Variants in GUCY1B1 observed in about 807,000 individuals in gnomAD.
GUCY1B1 encodes the protein guanylate cyclase soluble subunit beta-1.
A neutral mutation model predicts 71.0 loss-of-function variants in GUCY1B1; 43 were observed. The observed-to-expected ratio is 0.61, with a 90% CI of 0.47 to 0.78. GUCY1B1 has a LOEUF of 0.78. Ranked by LOEUF, GUCY1B1 falls within the 30% of genes least tolerant of loss-of-function variation. GUCY1B1 has a pLI of 0.00. For missense variants in GUCY1B1, 535 were observed against 754.1 expected, an observed-to-expected ratio of 0.71 and a Z score of 3.40; for synonymous variants, 266 against 259.7, an observed-to-expected ratio of 1.02 and a Z score of -0.23.
At position 155,774,953 on chromosome 4, in the gene GUCY1B1, GT is replaced by G. The variant is rs1737943192; in HGVS notation, c.78-10del. 3.7e-6 allele frequency: 5 copies of G among 1,352,458 alleles called. No individual in the cohort carries two copies. The highest frequency in any genetic ancestry group is 5.3e-6 in the Non-Finnish European group (5 of 945,106). 83.8% of individuals were successfully genotyped at this position (1,352,458 alleles called of 1,614,324 possible). On this transcript the variant is annotated splice_polypyrimidine_tract_variant and intron_variant, in intron 2 of 13. Transcript: ENST00000264424. Reference sequence around the variant, plus strand: ...TCAACTTTTCTCTTCTGTCTTTCTTGTTTTTGTTTTCCAGAAAAGAGGCACA... The same window carrying G: ...TCAACTTTTCTCTTCTGTCTTTCTTGTTTTGTTTTCCAGAAAAGAGGCACA...
intron 2 of GUCY1B1, among the ~76,000 whole-genome samples, chr4:155,771,564 G>C (rs1737695311): frequency 6.6e-6 from 1 of 152,078 alleles, no homozygotes; most frequent in South Asian, 2.1e-4. Context: ...TCTACTTATT[G>C]TATCTTTAAT....
At chr4:155,781,385 A>G (rs1738405355) in intron 4 of GUCY1B1, among the ~76,000 whole-genome samples, 1 of 152,172 alleles carries the variant, frequency 6.6e-6, no homozygotes, top group Non-Finnish European at 1.5e-5. Flanking sequence ...CAGTTGACTT[A>G]ACGAATACTA....
intron 8 of GUCY1B1, among the ~76,000 whole-genome samples, chr4:155,797,715 C>CA (rs1171274853): frequency 7.4e-6 from 1 of 135,750 alleles, no homozygotes; most frequent in Non-Finnish European, 1.6e-5. Context: ...TCCTGGGCAA[C>CA]AGAGCAAGAC....
intron 8 of GUCY1B1, among the ~76,000 whole-genome samples, chr4:155,799,293 T>C (rs558582992): frequency 6.6e-6 from 1 of 151,886 alleles, no homozygotes; most frequent in Non-Finnish European, 1.5e-5. Context: ...ATGAGAAAAA[T>C]TTGTCAAAGT....
intron 4 of GUCY1B1, chr4:155,785,459 A>T: frequency 1.9e-6 from 1 of 536,018 alleles, no homozygotes; most frequent in Non-Finnish European, 3.2e-6. Flanking sequence ...AACACAGAAT[A>T]TCAGTTTTGA....
chr4:155,783,390 G>C (rs753621854), intron 4 of GUCY1B1, among the ~76,000 whole-genome samples: 4 of 152,182 alleles, frequency 2.6e-5, no homozygotes, highest in African/African-American at 9.7e-5. Context: ...GAAAATATAC[G>C]TGGGCAAATG....
chr4:155,796,544 A>G, intron 8 of GUCY1B1, 34 bp downstream of exon 8: 1 of 1,454,802 alleles, frequency 6.9e-7, no homozygotes, highest in Non-Finnish European at 9.5e-7. Flanking sequence ...AGTGGCTATC[A>G]GTACCTATCT....
chr4:155,775,141 A>G (rs536419145), intron 3 of GUCY1B1, 73 bp downstream of exon 3: 123 of 820,054 alleles, frequency 1.5e-4, no homozygotes, highest in East Asian at 1.7e-4. Flanking sequence ...GTTCAAGATC[A>G]CAACGCAGGG....
intron 8 of GUCY1B1, among the ~76,000 whole-genome samples, chr4:155,797,266 A>C (rs1185685052): frequency 6.6e-6 from 1 of 152,216 alleles, no homozygotes; most frequent in African/African-American, 2.4e-5. Flanking sequence ...AACACAGTCA[A>C]GAAGGCATGT....
Position 155,803,613 on chromosome 4 carries a change from T to G in GUCY1B1, c.1414-11T>G. 1.3e-6 allele frequency: 2 copies of G among 1,508,802 alleles called. No homozygotes were observed. The highest frequency in any genetic ancestry group is 1.8e-6 in the Non-Finnish European group (2 of 1,125,800). The allele number at this position is 1,508,802 out of a possible 1,614,324, so 93.5% of individuals were successfully genotyped here. ...TGCTAACCGTGAACATCTAAATATA[T>G]GTACTGTTAGGTGGAGACTGTTGGT... On this transcript the variant is annotated splice_polypyrimidine_tract_variant and intron_variant, in intron 10 of 13. Transcript: ENST00000264424.
chr4:155,801,255 G>T (rs1328170106), intron 9 of GUCY1B1, among the ~76,000 whole-genome samples: 1 of 152,130 alleles, frequency 6.6e-6, no homozygotes, highest in East Asian at 1.9e-4. Flanking sequence ...CCCAAGGTGG[G>T]TTTCACATTC....
intron 8 of GUCY1B1, among the ~76,000 whole-genome samples, chr4:155,798,184 G>A (rs1002490734): frequency 1.3e-5 from 2 of 152,198 alleles, no homozygotes; most frequent in Non-Finnish European, 2.9e-5. Flanking sequence ...AGGTGTGTAG[G>A]AAGATTTGTA....
intron 2 of GUCY1B1, among the ~76,000 whole-genome samples, chr4:155,766,839 A>G (rs1044652085): frequency 5.3e-5 from 8 of 152,326 alleles, no homozygotes; most frequent in Middle Eastern, 3.4e-3. Flanking sequence ...GAATACTGAA[A>G]TTAAATTTGA....
intron 8 of GUCY1B1, among the ~76,000 whole-genome samples, chr4:155,798,502 C>T (rs530269712): frequency 9.7e-4 from 147 of 152,106 alleles, no homozygotes; most frequent in African/African-American, 2.4e-3. Flanking sequence ...TCCATTTTAA[C>T]GAAATTAAAA....
In GUCY1B1 at chr4:155,798,253, G is replaced by C. The variant is rs143712851; in HGVS notation, c.978-1624G>C. On this transcript the variant is annotated intron_variant, in intron 8 of 13. Coordinates refer to ENST00000264424, the MANE Select transcript of GUCY1B1 (RefSeq NM_000857.5). ...AGTTTTACTTGTAAAATAATTCTAA[G>C]ATGATTAGTTTGAATTTAGAAAAAA... 9.2e-5 allele frequency among the ~76,000 whole-genome samples: 14 copies of C among 152,206 alleles called. No individual in the cohort carries two copies. The East Asian group carries it at 2.7e-3, about 29-fold the overall frequency.
intron 3 of GUCY1B1, among the ~76,000 whole-genome samples, chr4:155,777,099 T>C (rs915506011): frequency 6.6e-6 from 1 of 152,174 alleles, no homozygotes; most frequent in African/African-American, 2.4e-5. Context: ...TGAAGGCAAT[T>C]TTGCACAATA....
chr4:155,801,628 C>T (rs573431554), intron 9 of GUCY1B1, among the ~76,000 whole-genome samples: 1 of 152,274 alleles, frequency 6.6e-6, no homozygotes, highest in East Asian at 1.9e-4. Context: ...AGGAAGGCTT[C>T]ATTTGTTCCT....
chr4:155,789,922 G>C lies in GUCY1B1; in HGVS notation c.495+11G>C. On this transcript the variant is annotated intron_variant, in intron 5 of 13. Coordinates refer to ENST00000264424, the MANE Select transcript of GUCY1B1 (RefSeq NM_000857.5). ...GAAATAGACATGAAGGTAACAAACA[G>C]CAATGGAGACTTCTGAACACAGATG... The C allele has an allele frequency of 6.4e-7, 1 of 1,556,422 alleles. No homozygotes were observed.
At chr4:155,774,866 A>G (rs1737935402) in intron 2 of GUCY1B1, 102 bp from the exon 3 acceptor site, 3 of 735,700 alleles carry the variant, frequency 4.1e-6, no homozygotes, top group Admixed American at 2.4e-5. Flanking sequence ...ACCAAATTCT[A>G]TTTCAGAGAT....
Sources: gnomAD v4.1 joint callset for allele counts (sites outside exome capture counted in the v4.1 genomes callset) on GRCh38, gnomAD v4.1.1 for gene constraint, MANE v1.5 for transcripts, NCBI Gene and HGNC (gene_info 2026-07-23, HGNC 2026-07-21) for gene names.